Variants in GRM8 observed in about 807,000 individuals in gnomAD.
GRM8 encodes the protein glutamate metabotropic receptor 8, also known as metabotropic glutamate receptor 8.
A neutral mutation model predicts 87.2 loss-of-function variants in GRM8; 47 were observed. The observed-to-expected ratio is 0.54, with a 90% CI of 0.43 to 0.69. The LOEUF (loss-of-function observed/expected upper bound fraction) is 0.69. Among genes scored for constraint, GRM8 ranks in the 30% least tolerant of loss-of-function variants. The pLI is 0.00. For missense variants in GRM8, 1,019 were observed against 1,139.2 expected, an observed-to-expected ratio of 0.89 and a Z score of 1.52; for synonymous variants, 396 against 404.5, an observed-to-expected ratio of 0.98 and a Z score of 0.25.
At chr7:127,100,373 C>G (rs1343358523) in intron 3 of GRM8, among the ~76,000 whole-genome samples, 1 of 152,088 alleles carries the variant, frequency 6.6e-6, no homozygotes, top group Non-Finnish European at 1.5e-5. Flanking sequence ...TAATTGAAGT[C>G]TTCTTCAAAG....
chr7:127,108,155 T>C (rs892370426), intron 2 of GRM8, among the ~76,000 whole-genome samples: 2 of 152,138 alleles, frequency 1.3e-5, no homozygotes, highest in Admixed American at 6.6e-5. Context: ...TGACCTTACC[T>C]TGACAAATTT....
intron 2 of GRM8, among the ~76,000 whole-genome samples, chr7:127,224,326 T>C (rs531367950): frequency 1.3e-5 from 2 of 152,170 alleles, no homozygotes; most frequent in East Asian, 1.9e-4. Flanking sequence ...CATGAAGCCA[T>C]AGGGGAAGAA....
chr7:126,539,701 A>T (rs1225789877), intron 8 of GRM8, among the ~76,000 whole-genome samples: 1 of 152,016 alleles, frequency 6.6e-6, no homozygotes, highest in African/African-American at 2.4e-5. Context: ...AAATTCAATA[A>T]AGAATTTTTT....
At chr7:126,740,595 C>T (rs1814841732) in intron 7 of GRM8, among the ~76,000 whole-genome samples, 1 of 152,150 alleles carries the variant, frequency 6.6e-6, no homozygotes, top group East Asian at 1.9e-4. Flanking sequence ...CAAGTAAGCA[C>T]TCCTTCCCTG....
At chr7:126,493,142 C>T (rs924658632) in intron 9 of GRM8, among the ~76,000 whole-genome samples, 1 of 151,932 alleles carries the variant, frequency 6.6e-6, no homozygotes, top group Non-Finnish European at 1.5e-5. Flanking sequence ...ACTATGGAAT[C>T]CCCTTTCCCT....
At chr7:126,626,534 C>G (rs1800708024) in intron 7 of GRM8, among the ~76,000 whole-genome samples, 1 of 152,098 alleles carries the variant, frequency 6.6e-6, no homozygotes, top group South Asian at 2.1e-4. Context: ...TATTTTATAT[C>G]TAAGATCTGT....
At position 127,203,707 on chromosome 7, in the gene GRM8, CAAAAT is replaced by C. The variant is rs1051146343; in HGVS notation, c.510+38983_510+38987del. ...TGGGCGACACAGCAAGACTCCATCT[CAAAAT>C]AAAATAAAATAAAATAAAATAAATT... On this transcript the variant is annotated intron_variant, in intron 2 of 10. Transcript: ENST00000339582. 6.4e-4 allele frequency among the ~76,000 whole-genome samples: 90 copies of C among 140,388 alleles called. 1 individual carries two copies. The highest frequency in any genetic ancestry group is 4.0e-3 in the Middle Eastern group (1 of 252). The allele number at this position is 140,388 out of a possible 152,430, so 92.1% of individuals were successfully genotyped here. A position where few individuals can be genotyped will look rare whatever the true frequency, so the allele number is the denominator to read the frequency against.
At chr7:127,251,746 G>A (rs931585472) in intron 1 of GRM8, among the ~76,000 whole-genome samples, 3 of 151,716 alleles carry the variant, frequency 2.0e-5, no homozygotes, top group Non-Finnish European at 4.4e-5. Flanking sequence ...GGCCGCGCCA[G>A]CCGCGGGAGC....
At chr7:126,788,008 T>C (rs1585932966) in intron 6 of GRM8, among the ~76,000 whole-genome samples, 1 of 152,298 alleles carries the variant, frequency 6.6e-6, no homozygotes, top group African/African-American at 2.4e-5. Flanking sequence ...TAATTATTTC[T>C]ATTTGAAAGT....
chr7:126,727,596 TA>T (rs1563129683), intron 7 of GRM8, among the ~76,000 whole-genome samples: 1 of 152,014 alleles, frequency 6.6e-6, no homozygotes, highest in Non-Finnish European at 1.5e-5. Flanking sequence ...GTACTTACAG[TA>T]AGCCTAATTC....
chr7:126,889,237 G>A (rs564450295), intron 6 of GRM8, among the ~76,000 whole-genome samples: 19 of 152,176 alleles, frequency 1.2e-4, no homozygotes, highest in Admixed American at 5.2e-4. Flanking sequence ...CTAAAAATGC[G>A]GAAAATAAGC....
intron 7 of GRM8, among the ~76,000 whole-genome samples, chr7:126,646,756 T>C (rs907067658): frequency 2.0e-5 from 3 of 152,250 alleles, no homozygotes; most frequent in Non-Finnish European, 4.4e-5. Flanking sequence ...GATTAAATGA[T>C]ATAATCCATG....
chr7:126,791,720 G>C lies in GRM8; in HGVS notation c.1157-21655C>G, dbSNP rs185550258. Among the ~76,000 whole-genome samples, 7 of 152,338 alleles carry C rather than the reference G, an allele frequency of 4.6e-5. No individual in the cohort carries two copies. The East Asian group carries it at 1.2e-3, about 25-fold the overall frequency. ...AAGAAATAGCTCTTGGTCACAGCTT[G>C]TGGGTAAAAGAACCATAGAGGTGGT... On this transcript the variant is annotated intron_variant, in intron 6 of 10. Coordinates refer to ENST00000339582, the MANE Select transcript of GRM8 (RefSeq NM_000845.3).
At chr7:127,188,628 T>C (rs1794862107) in intron 2 of GRM8, among the ~76,000 whole-genome samples, 1 of 152,238 alleles carries the variant, frequency 6.6e-6, no homozygotes, top group Admixed American at 6.5e-5. Flanking sequence ...ATAATTTTTT[T>C]TAACTTGTTC....
At chr7:126,731,313 C>T (rs1343080780) in intron 7 of GRM8, among the ~76,000 whole-genome samples, 4 of 152,130 alleles carry the variant, frequency 2.6e-5, no homozygotes, top group Admixed American at 6.6e-5. Flanking sequence ...TGACTTGCCT[C>T]TAGACCCAAC....
At chr7:126,522,931 G>C (rs965796090) in intron 9 of GRM8, among the ~76,000 whole-genome samples, 8 of 152,066 alleles carry the variant, frequency 5.3e-5, no homozygotes, top group African/African-American at 1.9e-4. Context: ...ATTCATTTTT[G>C]CATTTTTCTG....
intron 2 of GRM8, among the ~76,000 whole-genome samples, chr7:127,127,608 T>A (rs150011130): frequency 2.9e-3 from 446 of 152,084 alleles, no homozygotes; most frequent in African/African-American, 9.9e-3. Context: ...AGAAAATAGA[T>A]CAGTGATTTC....
chr7:126,733,523 A>T (rs1205379057), intron 7 of GRM8, among the ~76,000 whole-genome samples: 1 of 150,990 alleles, frequency 6.6e-6, no homozygotes, highest in Non-Finnish European at 1.5e-5. Context: ...TAATGCAAAA[A>T]GTTCTCAATA....
At chr7:126,717,801 C>CA (rs1420016367) in intron 7 of GRM8, among the ~76,000 whole-genome samples, 1 of 152,020 alleles carries the variant, frequency 6.6e-6, no homozygotes, top group Non-Finnish European at 1.5e-5. Flanking sequence ...ATTTTATGGA[C>CA]AAAAAATCAT....
Sources: gnomAD v4.1 joint callset for allele counts (sites outside exome capture counted in the v4.1 genomes callset) on GRCh38, gnomAD v4.1.1 for gene constraint, MANE v1.5 for transcripts, NCBI Gene and HGNC (gene_info 2026-07-23, HGNC 2026-07-21) for gene names.